ITGB3BP: variants seen among roughly 807,000 people sequenced by gnomAD.
ITGB3BP encodes the protein centromere protein R.
In ITGB3BP, 27 loss-of-function variants were observed where a neutral mutation model predicts 29.1. That is an observed-to-expected ratio of 0.93 (90% CI 0.68 to 1.28). The LOEUF is 1.28. ITGB3BP is among the 50% of genes most tolerant of loss of function. The pLI is 0.00. For synonymous variants in ITGB3BP, 61 were observed against 61.4 expected (o/e 0.99, Z 0.03); for missense variants, 192 against 200.2 (o/e 0.96, Z 0.25).
At chr1:63,472,847 T>G (rs915753182) in intron 4 of ITGB3BP, among the ~76,000 whole-genome samples, 3 of 152,122 alleles carry the variant, frequency 2.0e-5, no homozygotes, top group Admixed American at 6.5e-5. Context: ...CCCAGCCGCC[T>G]GCCTTGGCCT....
chr1:63,448,980 G>T (rs1644826195), intron 7 of ITGB3BP, among the ~76,000 whole-genome samples: 1 of 152,130 alleles, frequency 6.6e-6, no homozygotes, highest in Non-Finnish European at 1.5e-5. Context: ...GATAGCACAT[G>T]ACTAAATGCT....
intron 8 of ITGB3BP, among the ~76,000 whole-genome samples, chr1:63,444,305 G>T (rs1041798788): frequency 6.6e-6 from 1 of 151,898 alleles, no homozygotes; most frequent in Non-Finnish European, 1.5e-5. Context: ...TACTAAATGT[G>T]TAACTGTGAC....
intron 3 of ITGB3BP, among the ~76,000 whole-genome samples, chr1:63,487,124 A>G (rs1049180146): frequency 5.3e-5 from 8 of 152,144 alleles, no homozygotes; most frequent in African/African-American, 1.4e-4. Flanking sequence ...TTTATGGTAA[A>G]TGATAGACTA....
chr1:63,490,375 C>G (rs1174318691), intron 2 of ITGB3BP, among the ~76,000 whole-genome samples, 157 bp from the exon 3 acceptor site: 1 of 152,130 alleles, frequency 6.6e-6, no homozygotes, highest in Non-Finnish European at 1.5e-5. Context: ...AAAGTAAACA[C>G]TATTCTTTCA....
intron 2 of ITGB3BP, among the ~76,000 whole-genome samples, chr1:63,505,725 G>A (rs964981276): frequency 1.3e-4 from 20 of 151,948 alleles, no homozygotes; most frequent in South Asian, 4.1e-4. Context: ...CTTTGTTCTC[G>A]TTGGTTTCAA....
intron 7 of ITGB3BP, among the ~76,000 whole-genome samples, chr1:63,452,635 T>TCC (rs1644877226): frequency 1.7e-3 from 8 of 4,754 alleles, no homozygotes; most frequent in East Asian, 0.056. Flanking sequence ...TTTTCTTTCT[T>TCC]TTTTTTTTTT....
intron 1 of ITGB3BP, 152 bp downstream of exon 1, chr1:63,522,977 G>C (rs762178734): frequency 4.6e-6 from 4 of 868,272 alleles, no homozygotes; most frequent in Non-Finnish European, 8.0e-6. Flanking sequence ...GTAGAGTTGA[G>C]GGTACCAAGC....
At chr1:63,492,362 T>C (rs953155765) in intron 2 of ITGB3BP, among the ~76,000 whole-genome samples, 4 of 152,194 alleles carry the variant, frequency 2.6e-5, no homozygotes, top group Admixed American at 6.5e-5. Context: ...TTCCCTACTA[T>C]ACCACTAAAT....
At chr1:63,510,481 A>AGC (rs1386632098) in intron 1 of ITGB3BP, among the ~76,000 whole-genome samples, 2 of 152,230 alleles carry the variant, frequency 1.3e-5, no homozygotes, top group African/African-American at 4.8e-5. Context: ...GAGTTAAAAT[A>AGC]GGCTGTCATC....
At chr1:63,515,407 C>T (rs1202531808) in intron 1 of ITGB3BP, among the ~76,000 whole-genome samples, 1 of 152,180 alleles carries the variant, frequency 6.6e-6, no homozygotes, top group African/African-American at 2.4e-5. Flanking sequence ...AGTTAGTGTA[C>T]ATACTCCAAC....
At chr1:63,447,547 G>A (rs1235002619) in intron 7 of ITGB3BP, 4 of 478,866 alleles carry the variant, frequency 8.4e-6, no homozygotes, top group South Asian at 6.1e-5. Flanking sequence ...CCTCAAAGAT[G>A]AAGCAATTTA....
chr1:63,497,707 A>G lies in ITGB3BP; in HGVS notation c.49-7489T>C, dbSNP rs532514949. 4.0e-5 allele frequency among the ~76,000 whole-genome samples: 6 copies of G among 148,282 alleles called. No homozygotes were observed. In the South Asian group the frequency reaches 1.4e-3, roughly 34 times the overall value. Reference sequence around the variant, plus strand: ...CTGATAGAAACTAAAGCTTTGTGCAAAAGTCTGAATTCATGAAGAGGGAAG... The same window carrying G: ...CTGATAGAAACTAAAGCTTTGTGCAGAAGTCTGAATTCATGAAGAGGGAAG... On this transcript the variant is annotated intron_variant, in intron 2 of 8. Coordinates refer to ENST00000271002, the MANE Select transcript of ITGB3BP (RefSeq NM_014288.5).
chr1:63,476,528 T>C (rs1158727566), intron 4 of ITGB3BP, among the ~76,000 whole-genome samples: 2 of 152,208 alleles, frequency 1.3e-5, no homozygotes, highest in Non-Finnish European at 2.9e-5. Flanking sequence ...CCTATGTGAC[T>C]CATAACAATG....
At chr1:63,515,016 TTA>T (rs1646283502) in intron 1 of ITGB3BP, among the ~76,000 whole-genome samples, 1 of 152,064 alleles carries the variant, frequency 6.6e-6, no homozygotes, top group African/African-American at 2.4e-5. Flanking sequence ...GAGCAAAAGT[TTA>T]AAAGTTAGAT....
At chr1:63,511,093 G>T (rs923094696) in intron 1 of ITGB3BP, among the ~76,000 whole-genome samples, 10 of 151,984 alleles carry the variant, frequency 6.6e-5, no homozygotes, top group South Asian at 2.1e-4. Flanking sequence ...TTAAAAAAGT[G>T]GGCACACAAA....
At chr1:63,520,565 T>C (rs757830128) in intron 1 of ITGB3BP, among the ~76,000 whole-genome samples, 15 of 152,162 alleles carry the variant, frequency 9.9e-5, no homozygotes, top group Non-Finnish European at 1.8e-4. Context: ...TTAAGATAGG[T>C]AATCTCTAAA....
intron 8 of ITGB3BP, among the ~76,000 whole-genome samples, chr1:63,442,222 A>C (rs1355828344): frequency 3.3e-5 from 5 of 152,146 alleles, no homozygotes; most frequent in Admixed American, 3.3e-4. Context: ...AGGGGAAGAA[A>C]CTTCTGTCAA....
chr1:63,489,588 T>C lies in ITGB3BP; in HGVS notation c.184+495A>G, dbSNP rs186706653. On this transcript the variant is annotated intron_variant, in intron 3 of 8. Transcript: ENST00000271002. ...CTATGGAAAAATTCTACAAACCTTT[T>C]GTAAATACATTTGAAATAGTCAAGA... 2.9e-4 allele frequency among the ~76,000 whole-genome samples: 44 copies of C among 152,060 alleles called. No homozygotes were observed. In the East Asian group the frequency reaches 7.7e-3, roughly 27 times the overall value.
At chr1:63,521,658 A>G (rs1180128049) in intron 1 of ITGB3BP, among the ~76,000 whole-genome samples, 2 of 152,052 alleles carry the variant, frequency 1.3e-5, no homozygotes, top group African/African-American at 2.4e-5. Flanking sequence ...ACAGGGAGAC[A>G]CTGTCTTTAC....
Sources: allele counts gnomAD v4.1 joint callset (sites outside exome capture counted in the v4.1 genomes callset), GRCh38; gene constraint gnomAD v4.1.1; transcripts MANE v1.5; gene names NCBI Gene and HGNC (gene_info 2026-07-23, HGNC 2026-07-21).